UBE2E1: variants seen among roughly 807,000 people sequenced by gnomAD.
UBE2E1 encodes ubiquitin conjugating enzyme E2 E1, also known as ubiquitin-conjugating enzyme E2 E1.
Under a neutral mutation model 21.4 loss-of-function variants are expected in UBE2E1, and 6 were observed. The ratio of observed to expected loss-of-function variants is 0.28; its 90% CI spans 0.15 to 0.55. The LOEUF (loss-of-function observed/expected upper bound fraction) is 0.55, where lower values mean the gene tolerates loss of function less well. UBE2E1 is among the 20% of genes least tolerant of loss of function. UBE2E1 has a pLI of 0.93. For synonymous variants in UBE2E1, 87 were observed against 82.7 expected, an observed-to-expected ratio of 1.05 and a Z score of -0.28; for missense variants, 142 against 236.5, an observed-to-expected ratio of 0.60 and a Z score of 2.62.
At chr3:23,850,709 G>A (rs1700304472) in intron 3 of UBE2E1, among the ~76,000 whole-genome samples, 1 of 146,270 alleles carries the variant, frequency 6.8e-6, no homozygotes, top group African/African-American at 2.6e-5. Flanking sequence ...TTTGAGATAG[G>A]GTCTCTTTCT....
intron 3 of UBE2E1, among the ~76,000 whole-genome samples, chr3:23,882,828 G>C (rs554385683): frequency 6.6e-5 from 10 of 152,320 alleles, no homozygotes; most frequent in African/African-American, 2.4e-4. Context: ...CGGCTGCTCC[G>C]AGTGCGGGGC....
chr3:23,886,149 G>A (rs775769967), intron 3 of UBE2E1, among the ~76,000 whole-genome samples: 4 of 152,066 alleles, frequency 2.6e-5, no homozygotes, highest in Non-Finnish European at 4.4e-5. Flanking sequence ...ACAGTGACCC[G>A]AGATCATGCC....
intron 3 of UBE2E1, among the ~76,000 whole-genome samples, chr3:23,871,820 C>A (rs1025949299): frequency 1.3e-5 from 2 of 151,090 alleles, no homozygotes; most frequent in African/African-American, 4.9e-5. Flanking sequence ...GGGATGGCGG[C>A]CGGGAAGAGG....
intron 3 of UBE2E1, chr3:23,866,539 T>G (rs1234218939): frequency 3.3e-5 from 5 of 152,196 alleles, no homozygotes; most frequent in Non-Finnish European, 7.3e-5. Context: ...AAAAGAATTG[T>G]GCATCTTTCT....
rs200422213 is a variant in UBE2E1 at position 23,876,627 on chromosome 3, G to GT, written c.204-10934dup. 5.8e-4 allele frequency among the ~76,000 whole-genome samples: 88 copies of GT among 151,940 alleles called. No individual in the cohort carries two copies. The East Asian group carries it at 0.016, about 28-fold the overall frequency. On this transcript the variant is annotated intron_variant, in intron 3 of 5. Transcript: ENST00000306627. This position sits in a 1 kb window ranked among gnomAD's most constrained non-coding sequence, Gnocchi z 4.3. The stretch of plus-strand genomic sequence containing the variant: ...TTGTAAATTCAGTTTTGGGTTTTTT[G>GT]TTTTTTGTTTCTTGTTTTTGTTTTT...
intron 3 of UBE2E1, chr3:23,879,500 T>C (rs923641060): frequency 3.1e-6 from 1 of 326,710 alleles, no homozygotes; most frequent in African/African-American, 2.2e-5. Context: ...ATTTCCCAAT[T>C]TCCCACTGCA....
intron 2 of UBE2E1, among the ~76,000 whole-genome samples, chr3:23,809,819 A>T (rs539572736): frequency 2.0e-5 from 3 of 152,312 alleles, no homozygotes; most frequent in African/African-American, 7.2e-5. Context: ...GAATCAGGAA[A>T]CCAATTTTCC....
At chr3:23,862,571 C>G (rs1338379628) in intron 3 of UBE2E1, among the ~76,000 whole-genome samples, 1 of 152,040 alleles carries the variant, frequency 6.6e-6, no homozygotes, top group Non-Finnish European at 1.5e-5. Context: ...TAATATTAAG[C>G]TAATATGTTA....
In UBE2E1 at chr3:23,816,444, C is replaced by A. The variant is rs996381660; in HGVS notation, c.203+4934C>A. On this transcript the variant is annotated intron_variant, in intron 3 of 5. Transcript: ENST00000306627. This position sits in a 1 kb window ranked among gnomAD's most constrained non-coding sequence, Gnocchi z 4.8. Reference sequence around the variant, plus strand: ...TAAGTGGGCTGGGCGCAGTGGATTACGCTTGTAATCCCAGCACTTTGGGAG... The same window carrying A: ...TAAGTGGGCTGGGCGCAGTGGATTAAGCTTGTAATCCCAGCACTTTGGGAG... Among the ~76,000 whole-genome samples the A allele has an allele frequency of 1.3e-5, 2 of 152,144 alleles. No individual in the cohort carries two copies. Among genetic ancestry groups the A allele is most frequent in the African/African-American group, 4.8e-5 (2 of 41,430 alleles).
intron 3 of UBE2E1, among the ~76,000 whole-genome samples, chr3:23,818,656 T>C (rs1414701653): frequency 6.6e-6 from 1 of 152,200 alleles, no homozygotes; most frequent in African/African-American, 2.4e-5. Flanking sequence ...TGTGTTTAGC[T>C]TTGCACACAT....
chr3:23,877,659 G>T (rs1700944176), intron 3 of UBE2E1, among the ~76,000 whole-genome samples: 1 of 152,090 alleles, frequency 6.6e-6, no homozygotes, highest in South Asian at 2.1e-4. Context: ...AAATATGGGT[G>T]TTTGGGGGGG....
At chr3:23,812,433 A>G (rs1699415742) in intron 3 of UBE2E1, among the ~76,000 whole-genome samples, 1 of 152,244 alleles carries the variant, frequency 6.6e-6, no homozygotes, top group Non-Finnish European at 1.5e-5. Context: ...ACAATTTTTA[A>G]GATGAGTGTG....
intron 3 of UBE2E1, among the ~76,000 whole-genome samples, chr3:23,857,704 C>T (rs887577228): frequency 6.6e-6 from 1 of 152,182 alleles, no homozygotes; most frequent in Non-Finnish European, 1.5e-5. Context: ...TGTCTGTGGG[C>T]AACTCCAAGA....
intron 3 of UBE2E1, among the ~76,000 whole-genome samples, chr3:23,846,095 A>G (rs1445831960): frequency 1.3e-5 from 2 of 152,162 alleles, no homozygotes; most frequent in Non-Finnish European, 2.9e-5. Flanking sequence ...CATTCTCTGT[A>G]TTATTTGGGA....
At chr3:23,844,469 T>G (rs36013012) in intron 3 of UBE2E1, among the ~76,000 whole-genome samples, 42 of 152,130 alleles carry the variant, frequency 2.8e-4, no homozygotes, top group Non-Finnish European at 5.4e-4. Flanking sequence ...TTTTATCTTA[T>G]AGAAGACCAG....
chr3:23,871,249 G>A (rs1700779245), intron 3 of UBE2E1, among the ~76,000 whole-genome samples: 1 of 136,666 alleles, frequency 7.3e-6, no homozygotes, highest in African/African-American at 2.9e-5. Flanking sequence ...TCCCAGTAGG[G>A]GCGGCCGGGC....
At chr3:23,828,636 GTGTC>G (rs1290494523) in intron 3 of UBE2E1, among the ~76,000 whole-genome samples, 1 of 152,182 alleles carries the variant, frequency 6.6e-6, no homozygotes, top group East Asian at 1.9e-4. Flanking sequence ...GCATTTATGG[GTGTC>G]TGTGTGTGCA....
Position 23,842,231 on chromosome 3 carries a change from G to A in UBE2E1, c.203+30721G>A. Among the ~76,000 whole-genome samples, 1 of 78,318 alleles carries A rather than the reference G, an allele frequency of 1.3e-5. No individual in the cohort carries two copies. Among genetic ancestry groups the A allele is most frequent in the East Asian group, 2.5e-4 (1 of 4,048 alleles). 51.4% of individuals were successfully genotyped at this position (78,318 alleles called of 152,430 possible). On this transcript the variant is annotated intron_variant, in intron 3 of 5. Coordinates refer to ENST00000306627, the MANE Select transcript of UBE2E1 (RefSeq NM_003341.5). The surrounding 1 kb of genome is among the most constrained non-coding windows in gnomAD (Gnocchi z 4.6). Reference sequence around the variant, plus strand: ...TGTGTGTGTGTGTGTGTGTGTGTGTGTGTGTGTGTGTGTGTGTGGTGTTGT... The same window carrying A: ...TGTGTGTGTGTGTGTGTGTGTGTGTATGTGTGTGTGTGTGTGTGGTGTTGT...
At chr3:23,865,762 A>G (rs992117586) in intron 3 of UBE2E1, among the ~76,000 whole-genome samples, 1 of 152,226 alleles carries the variant, frequency 6.6e-6, no homozygotes, top group African/African-American at 2.4e-5. Context: ...ACCAACATGA[A>G]GTAGCATATG....
Sources: allele counts gnomAD v4.1 joint callset (sites outside exome capture counted in the v4.1 genomes callset), GRCh38; gene constraint gnomAD v4.1.1; non-coding constraint Gnocchi (gnomAD v3.1); transcripts MANE v1.5; gene names NCBI Gene and HGNC (gene_info 2026-07-23, HGNC 2026-07-21).